DHRS4L2: variants seen among roughly 807,000 people sequenced by gnomAD.
DHRS4L2 encodes dehydrogenase/reductase SDR family member 4-like 2.
Under a neutral mutation model 23.9 loss-of-function variants are expected in DHRS4L2, and 22 were observed. The ratio of observed to expected loss-of-function variants is 0.92; its 90% CI spans 0.66 to 1.31. DHRS4L2 has a LOEUF of 1.31. Among genes scored for constraint, DHRS4L2 ranks in the 40% most tolerant of loss-of-function variants. The probability of loss-of-function intolerance (pLI) is 0.00; values close to 1 mark genes in which losing one functional copy is unlikely to be tolerated. For synonymous variants in DHRS4L2, 141 were observed against 123.7 expected, an observed-to-expected ratio of 1.14 and a Z score of -0.93; for missense variants, 385 against 303.3, an observed-to-expected ratio of 1.27 and a Z score of -2.00.
At position 24,001,457 on chromosome 14, in the gene DHRS4L2, C is replaced by T; in HGVS notation, c.605C>T (p.Pro202Leu). 6.2e-7 allele frequency: 1 copy of T among 1,606,288 alleles called. No individual in the cohort carries two copies. ...LNNTLAIELA[P>L]RNIRVNCLHL... is the part of the protein sequence containing the mutation. ...AATACCCTGGCCATAGAGCTGGCCCCAAGGAACATTAGGGTGAACTGCCTG... is the reference window on the plus strand; with the variant it reads ...AATACCCTGGCCATAGAGCTGGCCCTAAGGAACATTAGGGTGAACTGCCTG... Residue 202 changes from proline (P) to leucine (L), a missense_variant, in exon 6 of 8, where the codon CCA (proline) becomes CTA (leucine). By Grantham distance (98) the Pro-to-Leu change is moderately conservative (BLOSUM62 -3). Transcript: ENST00000335125.
intron 2 of DHRS4L2, among the ~76,000 whole-genome samples, chr14:23,991,475 C>A (rs1416966346): frequency 6.6e-6 from 1 of 151,750 alleles, no homozygotes; most frequent in Admixed American, 6.6e-5. Flanking sequence ...GAAAAACAAC[C>A]TGTGCCCCCC....
Position 23,978,131 on chromosome 14 carries a change from G to A in DHRS4L2, c.-176+7799G>A, listed in dbSNP as rs185700528. 1.6e-3 allele frequency among the ~76,000 whole-genome samples: 241 copies of A among 151,426 alleles called. 15 individuals carry two copies. Among genetic ancestry groups the A allele is most frequent in the Non-Finnish European group, 2.7e-4 (18 of 67,922 alleles). On this transcript the variant is annotated intron_variant, in intron 1 of 5. Coordinates refer to the DHRS4L2 transcript ENST00000534993. Reference sequence around the variant, plus strand: ...TTTTAGGTTGACAAATCTTTTTTAAGGTAATTTGACCATCATAGCCATCAA... The same window carrying A: ...TTTTAGGTTGACAAATCTTTTTTAAAGTAATTTGACCATCATAGCCATCAA...
chr14:23,993,825 G>A (rs1566496743), intron 2 of DHRS4L2, among the ~76,000 whole-genome samples: 2 of 151,538 alleles, frequency 1.3e-5, no homozygotes, highest in Non-Finnish European at 2.9e-5. Context: ...TCCCATCATG[G>A]CTCTCCTGGG....
At chr14:23,978,102 A>G (rs2034000989) in intron 1 of DHRS4L2, among the ~76,000 whole-genome samples, 1 of 151,434 alleles carries the variant, frequency 6.6e-6, no homozygotes, top group South Asian at 2.1e-4. Context: ...TCACCCTTTT[A>G]TTATTTTAGG....
rs546847867 is a variant in DHRS4L2, at chr14:23,977,857, T to A, written c.-176+7525T>A. On this transcript the variant is annotated intron_variant, in intron 1 of 5. Coordinates refer to the DHRS4L2 transcript ENST00000534993. ...TTGCACCCTCTAAAAAACATGTTAA[T>A]TGTATCCTTCCCAAAAATAAACACT... 1.1e-3 allele frequency among the ~76,000 whole-genome samples: 162 copies of A among 151,782 alleles called. 8 individuals carry two copies. Among genetic ancestry groups the A allele is most frequent in the Non-Finnish European group, 6.6e-4 (45 of 67,968 alleles).
At chr14:23,994,039 T>C (rs910039653) in intron 2 of DHRS4L2, among the ~76,000 whole-genome samples, 2 of 151,670 alleles carry the variant, frequency 1.3e-5, no homozygotes, top group Non-Finnish European at 2.9e-5. Context: ...AAGTATAAGA[T>C]CTTGAGAAAA....
At chr14:23,988,531 T>C (rs1302270950), upstream of DHRS4L2, among the ~76,000 whole-genome samples, 3 of 150,872 alleles carry the variant, frequency 2.0e-5, no homozygotes, top group Non-Finnish European at 3.0e-5. Flanking sequence ...GGCTGTCACA[T>C]ACATAGACCC....
chr14:23,984,976 T>C (rs2034115229), upstream of DHRS4L2, among the ~76,000 whole-genome samples: 2 of 151,310 alleles, frequency 1.3e-5, no homozygotes, highest in Non-Finnish European at 2.9e-5. Flanking sequence ...TCGTATTTAC[T>C]GAGTAAAGGA....
At chr14:23,995,309 C>T (rs752812789) in intron 3 of DHRS4L2, among the ~76,000 whole-genome samples, 176 bp downstream of exon 3, 4 of 151,714 alleles carry the variant, frequency 2.6e-5, no homozygotes, top group Non-Finnish European at 5.9e-5. Context: ...TTTCTCTGCC[C>T]TTCTCATTCG....
intron 1 of DHRS4L2, among the ~76,000 whole-genome samples, chr14:23,983,314 A>G (rs2034084951): frequency 1.3e-5 from 2 of 151,810 alleles, no homozygotes. Context: ...AGACATGCAA[A>G]TCAAAACCAC....
chr14:23,995,691 G>C (rs1183551804), intron 3 of DHRS4L2, among the ~76,000 whole-genome samples: 1 of 151,732 alleles, frequency 6.6e-6, no homozygotes, highest in African/African-American at 2.4e-5. Context: ...CTAAATTCAA[G>C]TGGTAGAATA....
At chr14:23,977,199 A>C (rs545445572) in intron 1 of DHRS4L2, among the ~76,000 whole-genome samples, 1 of 151,898 alleles carries the variant, frequency 6.6e-6, no homozygotes, top group Non-Finnish European at 1.5e-5. Context: ...GGCACCTACA[A>C]ATCCATTCAC....
At position 23,981,709 on chromosome 14, in the gene DHRS4L2, A is replaced by G. The variant is rs149769595; in HGVS notation, c.-175-8473A>G. Among the ~76,000 whole-genome samples the G allele has an allele frequency of 9.4e-4, 143 of 151,848 alleles. 1 individual carries two copies. Among genetic ancestry groups the G allele is most frequent in the Middle Eastern group, 3.4e-3 (1 of 294 alleles). On this transcript the variant is annotated intron_variant, in intron 1 of 5. Transcript: ENST00000534993. ...TTTACTATCTCAGCAAGAGGAATGC[A>G]GCAGAAGAGCAGGGTGATAGTGGGG...
At chr14:23,972,838 G>C (rs932549286) in intron 1 of DHRS4L2, among the ~76,000 whole-genome samples, 6 of 151,388 alleles carry the variant, frequency 4.0e-5, no homozygotes, top group Non-Finnish European at 8.8e-5. Flanking sequence ...ACAAACGTGA[G>C]CAATAGAATC....
chr14:23,982,065 C>A (rs533122220), intron 1 of DHRS4L2, among the ~76,000 whole-genome samples: 21 of 151,656 alleles, frequency 1.4e-4, no homozygotes, highest in Admixed American at 2.6e-4. Context: ...TCAGCACAGA[C>A]CCTTCATGGG....
chr14:23,980,522 T>C (rs1420541053), intron 1 of DHRS4L2, among the ~76,000 whole-genome samples: 1 of 143,194 alleles, frequency 7.0e-6, no homozygotes, highest in Non-Finnish European at 1.5e-5. Context: ...TTCAGGCCAG[T>C]ATCCCTGATG....
intron 3 of DHRS4L2, among the ~76,000 whole-genome samples, chr14:23,999,209 G>A (rs575703879): frequency 1.7e-4 from 25 of 149,078 alleles, no homozygotes; most frequent in Middle Eastern, 3.5e-3. Flanking sequence ...ACAGATCACC[G>A]TAACAGATAT....
At position 23,990,322 on chromosome 14, in the gene DHRS4L2, T is replaced by C; in HGVS notation, c.269T>C (p.Val90Ala). The C allele has an allele frequency of 6.2e-7, 1 of 1,611,906 alleles. No homozygotes were observed. The highest frequency in any genetic ancestry group is 1.1e-5 in the South Asian group (1 of 90,818). Reference protein sequence around the residue: ...GLSVTGTVCHVGKAEDRERLV... With the variant: ...GLSVTGTVCHAGKAEDRERLV... ...AGCGTGACGGGCACTGTGTGCCATG[T>C]GGGGAAGGCGGAGGACCGGGAGCGG... The change falls in exon 2 of 8, where the codon GTG becomes GCG. Residue 90 changes from valine to alanine, a missense_variant. By Grantham distance (64) the Val-to-Ala change is moderately conservative (BLOSUM62 0). Transcript: ENST00000335125.
chr14:23,981,209 A>G (rs1193638344), intron 1 of DHRS4L2, among the ~76,000 whole-genome samples: 1 of 151,640 alleles, frequency 6.6e-6, no homozygotes, highest in Admixed American at 6.6e-5. Flanking sequence ...CGCGACTGCT[A>G]CAAAGAGAAT....
Sources: allele counts gnomAD v4.1 joint callset (sites outside exome capture counted in the v4.1 genomes callset), GRCh38; gene constraint gnomAD v4.1.1; transcripts MANE v1.5; gene names NCBI Gene and HGNC (gene_info 2026-07-23, HGNC 2026-07-21).